Variants in PPP1R21 observed in about 807,000 individuals in gnomAD.
PPP1R21 encodes protein phosphatase 1 regulatory subunit 21, also known as KLRAQ motif containing 1.
Under a neutral mutation model 112.8 loss-of-function variants are expected in PPP1R21, and 85 were observed. That is an observed-to-expected ratio of 0.75 (90% CI 0.63 to 0.90). The LOEUF (loss-of-function observed/expected upper bound fraction) is 0.90, where lower values mean the gene tolerates loss of function less well. Ranked by LOEUF, PPP1R21 falls within the 40% of genes least tolerant of loss-of-function variation. The pLI is 0.00. For missense variants in PPP1R21, 1,199 were observed against 901.5 expected, an observed-to-expected ratio of 1.33 and a Z score of -4.23; for synonymous variants, 381 against 322.3, an observed-to-expected ratio of 1.18 and a Z score of -1.95.
At chr2:48,461,919 T>A (rs1459738306) in intron 7 of PPP1R21, among the ~76,000 whole-genome samples, 1 of 151,852 alleles carries the variant, frequency 6.6e-6, no homozygotes, top group East Asian at 1.9e-4. Context: ...AGGGAAGACC[T>A]AAAAAAAGAG....
intron 1 of PPP1R21, 60 bp downstream of exon 1, chr2:48,441,070 C>A: frequency 7.9e-7 from 1 of 1,268,482 alleles, no homozygotes; most frequent in Non-Finnish European, 1.1e-6. Flanking sequence ...GTTGCCGTGG[C>A]AGCGACTTGT....
chr2:48,463,031 A>G (rs1280090455), intron 7 of PPP1R21, among the ~76,000 whole-genome samples: 1 of 152,160 alleles, frequency 6.6e-6, no homozygotes, highest in African/African-American at 2.4e-5. Context: ...TTTATGGGAG[A>G]GACAACGAGG....
rs552242915 is a variant in PPP1R21 at position 48,467,892 on chromosome 2, C to T, written c.897+2250C>T. Among the ~76,000 whole-genome samples, 3 of 152,308 alleles carry T rather than the reference C, an allele frequency of 2.0e-5. No individual in the cohort carries two copies. The East Asian group carries it at 5.8e-4, about 29-fold the overall frequency. ...TGCTATACATGTGTGCTGTAAGTGC[C>T]TCATGATGTGGCAGTCTGAAATATG... is the stretch of plus-strand genomic sequence containing the variant. On this transcript the variant is annotated intron_variant, in intron 9 of 21. Coordinates refer to ENST00000294952, the MANE Select transcript of PPP1R21 (RefSeq NM_001135629.3).
chr2:48,474,589 T>C, intron 11 of PPP1R21, 94 bp from the exon 12 acceptor site: 1 of 1,140,328 alleles, frequency 8.8e-7, no homozygotes, highest in South Asian at 1.5e-5. Context: ...AATATCTCTC[T>C]TTGGATATAG....
rs560131997 is a variant in PPP1R21 at position 48,487,345 on chromosome 2, C to G, written c.1446+587C>G. Among the ~76,000 whole-genome samples, 15 of 152,274 alleles carry G rather than the reference C, an allele frequency of 9.9e-5. 2 individuals are homozygous for G. The East Asian group carries it at 2.1e-3, about 22-fold the overall frequency. On this transcript the variant is annotated intron_variant, in intron 14 of 21. Coordinates refer to ENST00000294952, the MANE Select transcript of PPP1R21 (RefSeq NM_001135629.3). ...CTACCTCTGTGGTTTTGTATCTAAA[C>G]AAGTACTTTGAAGTGACTTCAACAT...
At chr2:48,446,481 A>C (rs1196695948) in intron 1 of PPP1R21, among the ~76,000 whole-genome samples, 1 of 152,150 alleles carries the variant, frequency 6.6e-6, no homozygotes, top group Non-Finnish European at 1.5e-5. Context: ...ATGAGGTTCA[A>C]ATTATTTGGA....
rs1055808139 is a variant in PPP1R21, at chr2:48,465,097, A to G, written c.747+108A>G. Reference sequence around the variant, plus strand: ...TCTGTTTAGTGCATTCAGTCATTGCATTTAACTGTTGCTTTACGTGTTTCT... The same window carrying G: ...TCTGTTTAGTGCATTCAGTCATTGCGTTTAACTGTTGCTTTACGTGTTTCT... On this transcript the variant is annotated intron_variant, in intron 8 of 21. Coordinates refer to ENST00000294952, the MANE Select transcript of PPP1R21 (RefSeq NM_001135629.3). 1.0e-4 allele frequency: 84 copies of G among 842,548 alleles called. No homozygotes were observed. In the East Asian group the frequency reaches 2.2e-3, roughly 22 times the overall value. 52.2% of individuals were successfully genotyped at this position (842,548 alleles called of 1,614,324 possible). A position where few individuals can be genotyped will look rare whatever the true frequency, so the allele number is the denominator to read the frequency against.
intron 12 of PPP1R21, among the ~76,000 whole-genome samples, chr2:48,477,936 C>T (rs892807285): frequency 2.0e-5 from 3 of 152,098 alleles, no homozygotes; most frequent in Non-Finnish European, 4.4e-5. Context: ...AAGATGAGGT[C>T]ATACTGGATT....
chr2:48,503,877 C>T (rs890355625), intron 17 of PPP1R21, among the ~76,000 whole-genome samples: 1 of 149,776 alleles, frequency 6.7e-6, no homozygotes, highest in African/African-American at 2.5e-5. Context: ...TGCTTGAACC[C>T]AGGAGGCGGA....
intron 16 of PPP1R21, 171 bp downstream of exon 16, chr2:48,495,942 G>A (rs1669815700): frequency 1.8e-6 from 1 of 558,178 alleles, no homozygotes; most frequent in African/African-American, 1.9e-5. Flanking sequence ...TGAAAAACAT[G>A]TGTTGACACT....
chr2:48,513,515 G>A (rs981734087), intron 21 of PPP1R21, among the ~76,000 whole-genome samples: 1 of 151,928 alleles, frequency 6.6e-6, no homozygotes, highest in Non-Finnish European at 1.5e-5. Context: ...CAGCATTTTA[G>A]AGATTGTTGA....
intron 13 of PPP1R21, among the ~76,000 whole-genome samples, chr2:48,483,413 C>G (rs1414637239): frequency 6.6e-6 from 1 of 151,876 alleles, no homozygotes; most frequent in African/African-American, 2.4e-5. Context: ...GAACTCCTGA[C>G]CTCAAGTGAT....
At chr2:48,496,888 T>G (rs552370507) in intron 16 of PPP1R21, among the ~76,000 whole-genome samples, 1 of 152,194 alleles carries the variant, frequency 6.6e-6, no homozygotes, top group Non-Finnish European at 1.5e-5. Flanking sequence ...GCTGAACACA[T>G]AGAGGCTCTT....
chr2:48,471,217 A>T, intron 10 of PPP1R21, 29 bp downstream of exon 10: 2 of 1,605,874 alleles, frequency 1.2e-6, no homozygotes, highest in Non-Finnish European at 1.7e-6. Flanking sequence ...TTACTTCTGG[A>T]AACTGGGAGC....
At chr2:48,477,740 C>G (rs1317809059) in intron 12 of PPP1R21, among the ~76,000 whole-genome samples, 9 of 150,496 alleles carry the variant, frequency 6.0e-5, no homozygotes, top group Admixed American at 6.0e-4. Context: ...TTAGAATCAG[C>G]TTGTGTTGAT....
intron 14 of PPP1R21, 77 bp downstream of exon 14, chr2:48,486,835 A>T: frequency 6.7e-7 from 1 of 1,492,152 alleles, no homozygotes; most frequent in Non-Finnish European, 9.1e-7. Context: ...AGGAAAATGG[A>T]TCTGTAAAAG....
At chr2:48,453,478 C>T (rs563919642) in intron 2 of PPP1R21, among the ~76,000 whole-genome samples, 1 of 152,290 alleles carries the variant, frequency 6.6e-6, no homozygotes, top group South Asian at 2.1e-4. Flanking sequence ...CAGGCATGAG[C>T]CACTGTGCCA....
chr2:48,476,343 C>T (rs762045494), intron 12 of PPP1R21, among the ~76,000 whole-genome samples: 7 of 152,268 alleles, frequency 4.6e-5, no homozygotes, highest in East Asian at 3.9e-4. Flanking sequence ...TTTACTTACC[C>T]GTTTGTCATG....
At chr2:48,477,756 C>A (rs1361633964) in intron 12 of PPP1R21, among the ~76,000 whole-genome samples, 1 of 150,960 alleles carries the variant, frequency 6.6e-6, no homozygotes, top group Non-Finnish European at 1.5e-5. Flanking sequence ...TTGATGTCTA[C>A]AAAGAAGTCA....
Sources: allele counts gnomAD v4.1 joint callset (sites outside exome capture counted in the v4.1 genomes callset), GRCh38; gene constraint gnomAD v4.1.1; transcripts MANE v1.5; gene names NCBI Gene and HGNC (gene_info 2026-07-23, HGNC 2026-07-21).